The following BICC1 variants were observed in gnomAD, a reference collection of about 807,000 sequenced individuals.
The protein encoded by BICC1 is protein bicaudal C homolog 1.
A neutral mutation model predicts 111.0 loss-of-function variants in BICC1; 43 were observed. That is an observed-to-expected ratio of 0.39 (90% CI 0.30 to 0.50). The LOEUF (loss-of-function observed/expected upper bound fraction) is 0.50, where lower values mean the gene tolerates loss of function less well. BICC1 is among the 20% of genes least tolerant of loss of function. The probability of loss-of-function intolerance (pLI) is 0.88; values close to 1 mark genes in which losing one functional copy is unlikely to be tolerated. For synonymous variants in BICC1, 467 were observed against 434.4 expected, an observed-to-expected ratio of 1.07 and a Z score of -0.93; for missense variants, 1,091 against 1,203.2, an observed-to-expected ratio of 0.91 and a Z score of 1.38.
At chr10:58,670,019 T>C (rs1166964832) in intron 2 of BICC1, among the ~76,000 whole-genome samples, 1 of 152,172 alleles carries the variant, frequency 6.6e-6, no homozygotes, top group Non-Finnish European at 1.5e-5. Context: ...ATCGTGCTTT[T>C]AAAGAAATGC....
intron 3 of BICC1, chr10:58,715,775 A>G (rs1397784610): frequency 1.6e-5 from 23 of 1,454,848 alleles, no homozygotes; most frequent in Non-Finnish European, 2.2e-5. Context: ...AAGAACTGGA[A>G]AAACACAGGG....
intron 3 of BICC1, among the ~76,000 whole-genome samples, chr10:58,708,592 A>T (rs913146466): frequency 1.3e-5 from 2 of 152,178 alleles, no homozygotes; most frequent in Non-Finnish European, 2.9e-5. Context: ...ATGGTGTCTG[A>T]TATACATAGG....
At chr10:58,683,238 C>T (rs1165737830) in intron 2 of BICC1, among the ~76,000 whole-genome samples, 1 of 152,174 alleles carries the variant, frequency 6.6e-6, no homozygotes, top group Admixed American at 6.5e-5. Flanking sequence ...TTCCATTGGT[C>T]TATATCTCTG....
chr10:58,638,528 G>A lies in BICC1; in HGVS notation c.237+17627G>A, dbSNP rs1266794002. Among the ~76,000 whole-genome samples the A allele has an allele frequency of 2.0e-5, 3 of 152,230 alleles. No homozygotes were observed. The East Asian group carries it at 5.8e-4, about 29-fold the overall frequency. On this transcript the variant is annotated intron_variant, in intron 2 of 20. Transcript: ENST00000373886. ...CGCCTCTCCCCTTTTTGGTCTCAGTGCTTCTGAAATGTAGACACTGGTCTA... is the reference window on the plus strand; with the variant it reads ...CGCCTCTCCCCTTTTTGGTCTCAGTACTTCTGAAATGTAGACACTGGTCTA...
intron 2 of BICC1, among the ~76,000 whole-genome samples, chr10:58,653,712 G>A (rs1838526602): frequency 6.6e-6 from 1 of 151,576 alleles, no homozygotes; most frequent in Admixed American, 6.6e-5. Flanking sequence ...TTAAGTTTTA[G>A]GGTACATGTG....
chr10:58,729,977 C>T (rs1256822150), intron 3 of BICC1, among the ~76,000 whole-genome samples: 2 of 152,180 alleles, frequency 1.3e-5, no homozygotes, highest in African/African-American at 4.8e-5. Flanking sequence ...TCATATCCTT[C>T]TCACATTGCA....
intron 1 of BICC1, among the ~76,000 whole-genome samples, chr10:58,554,398 C>G (rs1843384046): frequency 6.6e-6 from 1 of 152,090 alleles, no homozygotes; most frequent in African/African-American, 2.4e-5. Flanking sequence ...TAAAATTGAA[C>G]TTTAGTCAAT....
chr10:58,522,684 G>A (rs1022601175), intron 1 of BICC1, among the ~76,000 whole-genome samples: 1 of 151,960 alleles, frequency 6.6e-6, no homozygotes, highest in Non-Finnish European at 1.5e-5. Flanking sequence ...GCTAGCAGAA[G>A]GCAAGAAATA....
intron 2 of BICC1, among the ~76,000 whole-genome samples, chr10:58,678,107 A>G (rs1042471691): frequency 2.0e-5 from 3 of 152,228 alleles, no homozygotes; most frequent in Non-Finnish European, 2.9e-5. Context: ...TATAAACACC[A>G]TCGATGCTAG....
intron 1 of BICC1, among the ~76,000 whole-genome samples, chr10:58,606,079 C>G (rs566675667): frequency 6.6e-6 from 1 of 151,910 alleles, no homozygotes; most frequent in Non-Finnish European, 1.5e-5. Flanking sequence ...GACAACTTTC[C>G]TCTTTGAGGC....
intron 1 of BICC1, among the ~76,000 whole-genome samples, chr10:58,523,588 G>A (rs1338565537): frequency 1.3e-5 from 2 of 152,138 alleles, no homozygotes; most frequent in African/African-American, 4.8e-5. Flanking sequence ...CAAACCCACA[G>A]CCAGTATCAT....
intron 1 of BICC1, among the ~76,000 whole-genome samples, chr10:58,603,977 A>G (rs998655960): frequency 3.3e-5 from 5 of 152,218 alleles, no homozygotes; most frequent in Admixed American, 6.5e-5. Context: ...CGGTCTTCAA[A>G]TAAGTTCAGA....
chr10:58,532,510 A>G (rs759234122), intron 1 of BICC1, among the ~76,000 whole-genome samples: 2 of 151,902 alleles, frequency 1.3e-5, no homozygotes, highest in Non-Finnish European at 2.9e-5. Context: ...ATTTATGGGA[A>G]TAGTACACCA....
chr10:58,735,627 A>G (rs935565426), intron 3 of BICC1, among the ~76,000 whole-genome samples: 1 of 152,196 alleles, frequency 6.6e-6, no homozygotes, highest in African/African-American at 2.4e-5. Flanking sequence ...TGGGAACTGA[A>G]ACTTGAGGCA....
chr10:58,557,615 AT>A (rs1290012732), intron 1 of BICC1, among the ~76,000 whole-genome samples: 1 of 151,872 alleles, frequency 6.6e-6, no homozygotes, highest in Non-Finnish European at 1.5e-5. Flanking sequence ...CCAATCTCAC[AT>A]TTTTTTCTCA....
chr10:58,618,597 A>AT (rs1280602946), intron 1 of BICC1, among the ~76,000 whole-genome samples: 1 of 152,106 alleles, frequency 6.6e-6, no homozygotes, highest in Non-Finnish European at 1.5e-5. Flanking sequence ...GCTGCTCGTC[A>AT]TTCATCCACC....
chr10:58,759,842 C>T (rs959206425), intron 3 of BICC1, among the ~76,000 whole-genome samples: 1 of 151,822 alleles, frequency 6.6e-6, no homozygotes, highest in Non-Finnish European at 1.5e-5. Flanking sequence ...GCCTGTCGTC[C>T]CAGCTACTCA....
At chr10:58,648,111 A>T (rs1310986657) in intron 2 of BICC1, among the ~76,000 whole-genome samples, 1 of 151,896 alleles carries the variant, frequency 6.6e-6, no homozygotes, top group East Asian at 1.9e-4. Context: ...ACTGCATTTA[A>T]AAAAAAATGC....
chr10:58,675,091 T>C lies in BICC1; in HGVS notation c.238-26983T>C, dbSNP rs139761272. On this transcript the variant is annotated intron_variant, in intron 2 of 20. Transcript: ENST00000373886. Reference sequence around the variant, plus strand: ...GATTGTCTTGGATTATGGACATGGTTTTGGAGAGGGAATTGCTAGGTCTGT... The same window carrying C: ...GATTGTCTTGGATTATGGACATGGTCTTGGAGAGGGAATTGCTAGGTCTGT... Among the ~76,000 whole-genome samples, 367 of 152,210 alleles carry C rather than the reference T, an allele frequency of 2.4e-3. 3 individuals carry two copies. The highest frequency in any genetic ancestry group is 8.2e-3 in the African/African-American group (339 of 41,520).
Sources: allele counts gnomAD v4.1 joint callset (sites outside exome capture counted in the v4.1 genomes callset), GRCh38; gene constraint gnomAD v4.1.1; transcripts MANE v1.5; gene names NCBI Gene and HGNC (gene_info 2026-07-23, HGNC 2026-07-21).